Variants in KLHL31 observed in about 807,000 individuals in gnomAD.
KLHL31 encodes the protein kelch like family member 31, also known as kelch-like protein 31.
A neutral mutation model predicts 47.1 loss-of-function variants in KLHL31; 32 were observed. The observed-to-expected ratio is 0.68, with a 90% confidence interval of 0.51 to 0.91. The LOEUF (loss-of-function observed/expected upper bound fraction) is 0.91, where lower values mean the gene tolerates loss of function less well. Among genes scored for constraint, KLHL31 ranks in the 40% least tolerant of loss-of-function variants. The pLI, the probability that KLHL31 is intolerant of heterozygous loss-of-function variation, is 0.00. For missense variants in KLHL31, 797 were observed against 819.3 expected (o/e 0.97, Z 0.33); for synonymous variants, 330 against 325.1 (o/e 1.01, Z -0.16).
At chr6:53,663,329 T>C (rs1188012619) in intron 1 of KLHL31, among the ~76,000 whole-genome samples, 1 of 152,220 alleles carries the variant, frequency 6.6e-6, no homozygotes, top group Admixed American at 6.5e-5. Context: ...TGGTTCCAAA[T>C]ACTAGAATAA....
intron 1 of KLHL31, among the ~76,000 whole-genome samples, chr6:53,656,898 C>A (rs1764568179): frequency 6.8e-6 from 1 of 146,372 alleles, no homozygotes; most frequent in African/African-American, 2.5e-5. Flanking sequence ...CCTTAAAAGG[C>A]AAGCAACAGA....
At chr6:53,665,496 G>A (rs1027835826) in intron 1 of KLHL31, 105 bp downstream of exon 1, 1 of 152,168 alleles carries the variant, frequency 6.6e-6, no homozygotes, top group Non-Finnish European at 1.5e-5. Context: ...CAGTAAAATA[G>A]CTCTACAACC....
At chr6:53,662,201 A>G (rs2501882) in intron 1 of KLHL31, among the ~76,000 whole-genome samples, 151,023 of 152,238 alleles carry the variant, frequency 0.99, 74,923 homozygotes, top group Middle Eastern at 1. Context: ...TGTGAAGGCC[A>G]TTTCTCCATT....
rs1164133684 is a variant in KLHL31 at position 53,652,148 on chromosome 6, A to G, written c.1355T>C (p.Leu452Pro). ...STNQWQPKTP[L>P]EVARCCHASA... is the part of the protein sequence containing the mutation. ...AGCGTGGCAGCAGCGCGCCACCTCC[A>G]GGGGCGTCTTCGGCTGCCACTGATT... is the stretch of plus-strand genomic sequence containing the variant. The change falls in exon 3 of 3, where the codon CTG becomes CCG. Residue 452 changes from leucine to proline, a missense_variant. Physicochemically the swap from Leu to Pro is moderately conservative, Grantham distance 98. Coordinates refer to ENST00000370905, the MANE Select transcript of KLHL31 (RefSeq NM_001003760.5). The G allele has an allele frequency of 6.2e-7, 1 of 1,604,902 alleles. No individual in the cohort carries two copies. The highest frequency in any genetic ancestry group is 1.3e-5 in the African/African-American group (1 of 74,894).
At chr6:53,662,313 G>T (rs549294296) in intron 1 of KLHL31, among the ~76,000 whole-genome samples, 3 of 152,290 alleles carry the variant, frequency 2.0e-5, no homozygotes, top group East Asian at 1.9e-4. Flanking sequence ...ACAAGCTTCC[G>T]CCAGGACTGT....
chr6:53,665,044 AAT>A (rs142641975), intron 1 of KLHL31, among the ~76,000 whole-genome samples: 7,995 of 151,350 alleles, frequency 0.053, 269 homozygotes, highest in East Asian at 0.088. Context: ...CCAAATAACA[AAT>A]TTTTTTTTTT....
chr6:53,652,104 G>T lies in KLHL31; in HGVS notation c.1399C>A (p.Arg467Ser). 1.2e-6 allele frequency: 2 copies of T among 1,600,206 alleles called. No individual in the cohort carries two copies. Among genetic ancestry groups the T allele is most frequent in the East Asian group, 2.2e-5 (1 of 44,780 alleles). The change falls in exon 3 of 3, where the codon CGC (arginine) becomes AGC (serine). Residue 467 changes from arginine to serine, a missense_variant. Physicochemically the swap from Arg to Ser is moderately radical, Grantham distance 110. Coordinates refer to ENST00000370905, the MANE Select transcript of KLHL31 (RefSeq NM_001003760.5). ...CCHASAVADGRVLVTGGYIAN... is the reference protein window; with the variant it reads ...CCHASAVADGSVLVTGGYIAN... Reference sequence around the variant, plus strand: ...ATGTAGCCTCCGGTCACCAGCACGCGGCCGTCGGCGACCGCGCTAGCGTGG... The same window carrying T: ...ATGTAGCCTCCGGTCACCAGCACGCTGCCGTCGGCGACCGCGCTAGCGTGG...
At position 53,654,171 on chromosome 6, in the gene KLHL31, A is replaced by G; in HGVS notation, c.1102T>C (p.Tyr368His). The change falls in exon 2 of 3, where the codon TAT becomes CAT. Residue 368 changes from tyrosine (Y) to histidine (H), a missense_variant. Transcript: ENST00000370905. Reference protein sequence around the residue: ...QCVAVMDGFLYVAGGEDQNDA... With the variant: ...QCVAVMDGFLHVAGGEDQNDA... ...TTCTGGTCTTCACCACCGGCTACATAAAGAAATCCATCCATCACAGCCACA... is the reference window on the plus strand; with the variant it reads ...TTCTGGTCTTCACCACCGGCTACATGAAGAAATCCATCCATCACAGCCACA... 2 of 1,614,114 alleles carry G rather than the reference A, an allele frequency of 1.2e-6. No homozygotes were observed. Among genetic ancestry groups the G allele is most frequent in the Non-Finnish European group, 1.7e-6 (2 of 1,179,994 alleles).
chr6:53,661,086 T>C (rs1340667814), intron 1 of KLHL31, among the ~76,000 whole-genome samples: 1 of 152,192 alleles, frequency 6.6e-6, no homozygotes, highest in East Asian at 1.9e-4. Flanking sequence ...AGCTCTGATG[T>C]TGACTTCAGG....
At chr6:53,663,127 G>T (rs1236973811) in intron 1 of KLHL31, among the ~76,000 whole-genome samples, 2 of 152,170 alleles carry the variant, frequency 1.3e-5, no homozygotes, top group Admixed American at 1.3e-4. Context: ...TGTGCAGTGT[G>T]TGCTGGGGCA....
rs1581786150 is a variant in KLHL31 at position 53,651,812 on chromosome 6, T to A, written c.1691A>T (p.His564Leu). Residue 564 changes from histidine to leucine, a missense_variant, in exon 3 of 3, where the codon CAT (histidine) becomes CTT (leucine). His to Leu is a moderately conservative substitution (Grantham distance 99). Coordinates refer to ENST00000370905, the MANE Select transcript of KLHL31 (RefSeq NM_001003760.5). Reference sequence around the variant, plus strand: ...GCCCCCCACCAGGTAGGCGCGGCCATGCAGCGCCGAGACGCCCGCAGTGCT... The same window carrying A: ...GCCCCCCACCAGGTAGGCGCGGCCAAGCAGCGCCGAGACGCCCGCAGTGCT... ...GVSTAGVSAL[H>L]GRAYLVGGWN... 6.2e-7 allele frequency: 1 copy of A among 1,611,822 alleles called. No homozygotes were observed.
At chr6:53,653,457 AT>A (rs1764505783) in intron 2 of KLHL31, among the ~76,000 whole-genome samples, 1 of 152,208 alleles carries the variant, frequency 6.6e-6, no homozygotes, top group African/African-American at 2.4e-5. Flanking sequence ...TGGAAGTTTA[AT>A]TTTTAATCAT....
chr6:53,648,202 A>G lies in KLHL31; in HGVS notation c.*3396T>C, dbSNP rs1764421044. 7 of 152,774 alleles carry G rather than the reference A, an allele frequency of 4.6e-5. No individual in the cohort carries two copies. The South Asian group carries it at 8.3e-4, about 18-fold the overall frequency. 9.5% of individuals were successfully genotyped at this position (152,774 alleles called of 1,614,324 possible). ...TGTTTAATTCTTATAATTACGAATA[A>G]AGGACTGTTTGGAAAATTATTCTGT... is the stretch of plus-strand genomic sequence containing the variant. On this transcript the variant is annotated 3_prime_UTR_variant, in exon 3 of 3. Transcript: ENST00000370905.
chr6:53,657,996 C>A (rs892581931), intron 1 of KLHL31, among the ~76,000 whole-genome samples: 1 of 152,096 alleles, frequency 6.6e-6, no homozygotes, highest in East Asian at 1.9e-4. Flanking sequence ...ATTATGAACC[C>A]TCTATCATTT....
intron 2 of KLHL31, among the ~76,000 whole-genome samples, 159 bp downstream of exon 2, chr6:53,653,938 TTATA>T (rs1764512668): frequency 6.6e-6 from 1 of 152,368 alleles, no homozygotes; most frequent in Admixed American, 6.5e-5. Flanking sequence ...TGAATGTACT[TTATA>T]TAATATAAAG....
At position 53,652,232 on chromosome 6, in the gene KLHL31, G is replaced by T; in HGVS notation, c.1271C>A (p.Ala424Glu). 1 of 1,613,822 alleles carries T rather than the reference G, an allele frequency of 6.2e-7. No homozygotes were observed. ...LSVFNGLVYA[A>E]GGRNAEGSLA... ...GCTTCCTTCTGCGTTGCGGCCGCCC[G>T]CGGCGTACACGAGCCCGTTGAACAC... is the stretch of plus-strand genomic sequence containing the variant. The change falls in exon 3 of 3, where the codon GCG becomes GAG. Residue 424 changes from alanine to glutamate, a missense_variant. Transcript: ENST00000370905.
At position 53,648,790 on chromosome 6, in the gene KLHL31, A is replaced by G. The variant is rs1764428592; in HGVS notation, c.*2808T>C. Reference sequence around the variant, plus strand: ...ACAACTTGGCACCAAGAACCTAACTAAAAATGGACAAAGTATGTTAAAGTT... The same window carrying G: ...ACAACTTGGCACCAAGAACCTAACTGAAAATGGACAAAGTATGTTAAAGTT... On this transcript the variant is annotated 3_prime_UTR_variant, in exon 3 of 3. Coordinates refer to ENST00000370905, the MANE Select transcript of KLHL31 (RefSeq NM_001003760.5). 6.6e-6 allele frequency: 1 copy of G among 152,176 alleles called. No individual in the cohort carries two copies. Among genetic ancestry groups the G allele is most frequent in the African/African-American group, 2.4e-5 (1 of 41,442 alleles). The allele number at this position is 152,176 out of a possible 1,614,324, so 9.4% of individuals were successfully genotyped here.
At position 53,654,153 on chromosome 6, in the gene KLHL31, C is replaced by A; in HGVS notation, c.1120G>T (p.Asp374Tyr). Residue 374 changes from aspartate to tyrosine, a missense_variant, in exon 2 of 3, where the codon GAC (aspartate) becomes TAC (tyrosine). By Grantham distance (160) the Asp-to-Tyr change is radical. Coordinates refer to ENST00000370905, the MANE Select transcript of KLHL31 (RefSeq NM_001003760.5). ...GCTTGATTTCTTGCATCATTCTGGT[C>A]TTCACCACCGGCTACATAAAGAAAT... Reference protein sequence around the residue: ...DGFLYVAGGEDQNDARNQAKH... With the variant: ...DGFLYVAGGEYQNDARNQAKH... The A allele has an allele frequency of 6.2e-7, 1 of 1,613,416 alleles. No homozygotes were observed. Among genetic ancestry groups the A allele is most frequent in the Non-Finnish European group, 8.5e-7 (1 of 1,179,692 alleles).
chr6:53,655,244 T>C lies in KLHL31; in HGVS notation c.29A>G (p.Lys10Arg). The change falls in exon 2 of 3, where the codon AAG (lysine) becomes AGG (arginine). Residue 10 changes from lysine to arginine, a missense_variant. Lys to Arg is a conservative substitution (Grantham distance 26). Coordinates refer to ENST00000370905, the MANE Select transcript of KLHL31 (RefSeq NM_001003760.5). ...CATCTCATTGATATCTCCTTTGTTC[T>C]TTTTGACAATCTTCTTTTTGGGTGC... MAPKKKIVK[K>R]NKGDINEMTI... 1 of 1,573,000 alleles carries C rather than the reference T, an allele frequency of 6.4e-7. No individual in the cohort carries two copies. Among genetic ancestry groups the C allele is most frequent in the East Asian group, 2.3e-5 (1 of 44,338 alleles).
Sources: allele counts gnomAD v4.1 joint callset (sites outside exome capture counted in the v4.1 genomes callset), GRCh38; gene constraint gnomAD v4.1.1; transcripts MANE v1.5; gene names NCBI Gene and HGNC (gene_info 2026-07-23, HGNC 2026-07-21).